Variants in ECT2 observed in about 807,000 individuals in gnomAD.
The protein encoded by ECT2 is epithelial cell transforming 2, also known as protein ECT2.
ECT2 carries 61 observed loss-of-function variants against 116.9 expected under a neutral mutation model. The observed-to-expected ratio is 0.52, with a 90% CI of 0.42 to 0.65. The LOEUF (loss-of-function observed/expected upper bound fraction) is 0.65, where lower values mean the gene tolerates loss of function less well. Ranked by LOEUF, ECT2 falls within the 30% of genes least tolerant of loss-of-function variation. ECT2 has a pLI of 0.00. For missense variants in ECT2, 937 were observed against 1,078.7 expected (o/e 0.87, Z 1.84); for synonymous variants, 358 against 346.4 (o/e 1.03, Z -0.37).
At chr3:172,764,240 C>G in intron 11 of ECT2, 38 bp from the exon 12 acceptor site, 2 of 1,557,170 alleles carry the variant, frequency 1.3e-6, no homozygotes, top group Non-Finnish European at 1.8e-6. Context: ...AGTAAAGAAC[C>G]ATGGAAGTAA....
chr3:172,779,205 A>G (rs1036028874), intron 14 of ECT2, among the ~76,000 whole-genome samples: 40 of 152,342 alleles, frequency 2.6e-4, no homozygotes, highest in Middle Eastern at 3.4e-3. Context: ...CCCAAGAGCC[A>G]GTATTTAAAC....
rs185967402 is a variant in ECT2, at chr3:172,785,158, C to A, written c.1825+355C>A. ...TTTGTATGTCCCGACTTTTTTGTAG[C>A]CCTTTTTTGAATTTTAGTAAAGTTC... On this transcript the variant is annotated intron_variant, in intron 17 of 24. Transcript: ENST00000392692. Among the ~76,000 whole-genome samples the A allele has an allele frequency of 2.7e-3, 406 of 152,110 alleles. 2 individuals are homozygous for A. The highest frequency in any genetic ancestry group is 9.2e-3 in the African/African-American group (382 of 41,506).
chr3:172,763,795 A>G (rs1352596673), intron 11 of ECT2, among the ~76,000 whole-genome samples: 2 of 152,220 alleles, frequency 1.3e-5, no homozygotes, highest in African/African-American at 2.4e-5. Context: ...TTGTTTCTGT[A>G]AAATCTATAT....
intron 18 of ECT2, among the ~76,000 whole-genome samples, chr3:172,795,076 C>T (rs904461916): frequency 9.2e-5 from 14 of 152,016 alleles, no homozygotes; most frequent in Non-Finnish European, 1.5e-4. Flanking sequence ...TAATTTCTTT[C>T]AACTATATTT....
intron 18 of ECT2, among the ~76,000 whole-genome samples, chr3:172,788,949 T>G (rs1483258509): frequency 2.0e-5 from 3 of 151,342 alleles, no homozygotes; most frequent in Non-Finnish European, 4.4e-5. Flanking sequence ...TCCCAGCTAC[T>G]TGGGAGGCTG....
intron 21 of ECT2, among the ~76,000 whole-genome samples, chr3:172,806,822 T>C (rs1432860299): frequency 6.6e-6 from 1 of 151,988 alleles, no homozygotes; most frequent in Non-Finnish European, 1.5e-5. Context: ...TTTGTATTTT[T>C]AGTAGAGACG....
At chr3:172,757,785 A>G (rs1717342334) in intron 5 of ECT2, among the ~76,000 whole-genome samples, 1 of 152,138 alleles carries the variant, frequency 6.6e-6, no homozygotes, top group Admixed American at 6.5e-5. Context: ...AAATTCATAC[A>G]TATACATAAA....
the ECT2 span, chr3:172,828,740 G>A: frequency 1.7e-5 from 9 of 545,194 alleles, no homozygotes; most frequent in African/African-American, 3.9e-5. Context: ...CTCACGTGGC[G>A]AAGAGGATGA....
chr3:172,813,485 T>C (rs1577040425), intron 22 of ECT2, among the ~76,000 whole-genome samples: 1 of 152,102 alleles, frequency 6.6e-6, no homozygotes, highest in African/African-American at 2.4e-5. Context: ...TTTCTACCGC[T>C]AGTGTTCTAG....
chr3:172,806,359 TGTGTA>T (rs1464426730), intron 21 of ECT2, among the ~76,000 whole-genome samples: 1 of 152,108 alleles, frequency 6.6e-6, no homozygotes, highest in Non-Finnish European at 1.5e-5. Context: ...TGGAGTCATA[TGTGTA>T]TTAAGGAATG....
chr3:172,782,785 G>A (rs567651189), intron 15 of ECT2, among the ~76,000 whole-genome samples: 1 of 151,990 alleles, frequency 6.6e-6, no homozygotes, highest in African/African-American at 2.4e-5. Flanking sequence ...GTGAGAACAT[G>A]TGATGTTTGG....
At chr3:172,790,334 C>T (rs1310975478) in intron 18 of ECT2, among the ~76,000 whole-genome samples, 1 of 152,232 alleles carries the variant, frequency 6.6e-6, no homozygotes, top group Admixed American at 6.5e-5. Context: ...TGCCCCACAA[C>T]ACAGCTCAGG....
At chr3:172,792,681 C>G (rs918795979) in intron 18 of ECT2, among the ~76,000 whole-genome samples, 3 of 151,966 alleles carry the variant, frequency 2.0e-5, no homozygotes, top group African/African-American at 7.3e-5. Flanking sequence ...GAATAAATTC[C>G]TAGGAATAGG....
At chr3:172,783,352 T>C (rs1211779574) in intron 15 of ECT2, among the ~76,000 whole-genome samples, 1 of 152,192 alleles carries the variant, frequency 6.6e-6, no homozygotes, top group Non-Finnish European at 1.5e-5. Flanking sequence ...TGATAACCTT[T>C]TAATTTTCTC....
chr3:172,776,961 A>G (rs1053412535), intron 14 of ECT2, among the ~76,000 whole-genome samples: 2 of 150,920 alleles, frequency 1.3e-5, no homozygotes, highest in Non-Finnish European at 2.9e-5. Context: ...TGCAACCTCC[A>G]TCTCCCAGGT....
intron 14 of ECT2, among the ~76,000 whole-genome samples, chr3:172,775,643 T>C (rs1397391515): frequency 1.3e-5 from 2 of 151,832 alleles, no homozygotes; most frequent in Non-Finnish European, 2.9e-5. Context: ...TTTTTCTTTT[T>C]TTTTTTTTGA....
At chr3:172,754,001 G>A (rs73880261) in intron 1 of ECT2, among the ~76,000 whole-genome samples, 9,324 of 152,160 alleles carry the variant, frequency 0.061, 963 homozygotes, top group African/African-American at 0.21. Context: ...ATTAGACCAA[G>A]TGACCATTGT....
intron 24 of ECT2, among the ~76,000 whole-genome samples, chr3:172,819,689 A>G (rs947162767): frequency 1.3e-5 from 2 of 152,096 alleles, no homozygotes; most frequent in Non-Finnish European, 2.9e-5. Flanking sequence ...AGTTGTACAT[A>G]TATTACAAAC....
intron 22 of ECT2, among the ~76,000 whole-genome samples, chr3:172,811,396 A>T (rs952359171): frequency 6.6e-6 from 1 of 152,154 alleles, no homozygotes; most frequent in Admixed American, 6.6e-5. Flanking sequence ...AATATATTTT[A>T]TTATATTCTT....
Sources: gnomAD v4.1 joint callset for allele counts (sites outside exome capture counted in the v4.1 genomes callset) on GRCh38, gnomAD v4.1.1 for gene constraint, MANE v1.5 for transcripts, NCBI Gene and HGNC (gene_info 2026-07-23, HGNC 2026-07-21) for gene names.